The following GALNT2 variants were observed in gnomAD, a reference collection of about 807,000 sequenced individuals.
The protein encoded by GALNT2 is polypeptide N-acetylgalactosaminyltransferase 2.
GALNT2 carries 31 observed loss-of-function variants against 81.4 expected under a neutral mutation model. That is an observed-to-expected ratio of 0.38 (90% confidence interval 0.29 to 0.51). The LOEUF (loss-of-function observed/expected upper bound fraction) is 0.51, where lower values mean the gene tolerates loss of function less well. GALNT2 is among the 20% of genes least tolerant of loss of function. The pLI, the probability that GALNT2 is intolerant of heterozygous loss-of-function variation, is 0.87. For missense variants in GALNT2, 629 were observed against 765.7 expected (o/e 0.82, Z 2.11); for synonymous variants, 303 against 287.4 (o/e 1.05, Z -0.55).
chr1:230,066,873 C>T (rs1659196396), upstream of GALNT2, among the ~76,000 whole-genome samples: 1 of 151,620 alleles, frequency 6.6e-6, no homozygotes, highest in African/African-American at 2.4e-5. Flanking sequence ...GAGGGGGCGG[C>T]CGGCGGGGGG....
chr1:230,194,228 GA>G (rs1558133673), intron 2 of GALNT2, among the ~76,000 whole-genome samples: 1 of 152,178 alleles, frequency 6.6e-6, no homozygotes, highest in Admixed American at 6.5e-5. Context: ...ATGGGGAAGA[GA>G]AAAAAGAAAA....
chr1:230,271,908 C>T lies in GALNT2; in HGVS notation c.1441-2537C>T, dbSNP rs372442755. 3.9e-5 allele frequency among the ~76,000 whole-genome samples: 6 copies of T among 152,272 alleles called. No individual in the cohort carries two copies. Among genetic ancestry groups the T allele is most frequent in the African/African-American group, 1.2e-4 (5 of 41,582 alleles). On this transcript the variant is annotated intron_variant, in intron 14 of 15. Coordinates refer to ENST00000366672, the MANE Select transcript of GALNT2 (RefSeq NM_004481.5). This position sits in a 1 kb window ranked among gnomAD's most constrained non-coding sequence, Gnocchi z 4.2. ...AGAGGATGGGGTGGCGGGGGACTGA[C>T]GGTTTCAAGCTTCTCAGCATAACCT...
intron 2 of GALNT2, among the ~76,000 whole-genome samples, chr1:230,190,367 C>T (rs543055969): frequency 5.3e-5 from 8 of 152,360 alleles, no homozygotes; most frequent in African/African-American, 1.2e-4. Context: ...CCAAGACCCA[C>T]GCACTTGAAG....
In GALNT2 at chr1:230,275,011, T is replaced by C. The variant is rs922336395; in HGVS notation, c.1560+447T>C. Among the ~76,000 whole-genome samples, 2 of 151,608 alleles carry C rather than the reference T, an allele frequency of 1.3e-5. No homozygotes were observed. The highest frequency in any genetic ancestry group is 6.6e-5 in the Admixed American group (1 of 15,232). ...CATATATACATATATACATGCCACA[T>C]ATATACATATATACACGCCACATAT... On this transcript the variant is annotated intron_variant, in intron 15 of 15. Coordinates refer to ENST00000366672, the MANE Select transcript of GALNT2 (RefSeq NM_004481.5). The surrounding 1 kb of genome is among the most constrained non-coding windows in gnomAD (Gnocchi z 5.5).
intron 14 of GALNT2, among the ~76,000 whole-genome samples, chr1:230,269,794 G>A (rs1385569683): frequency 6.6e-6 from 1 of 152,174 alleles, no homozygotes; most frequent in Non-Finnish European, 1.5e-5. Flanking sequence ...CTACTCAGGA[G>A]GCTGAGATGG....
intron 2 of GALNT2, among the ~76,000 whole-genome samples, chr1:230,188,773 G>A (rs1663424076): frequency 6.6e-6 from 1 of 151,794 alleles, no homozygotes; most frequent in South Asian, 2.1e-4. Context: ...TTTTTTTTCA[G>A]TGTTGGTTTT....
At chr1:230,168,765 AT>A (rs1303665826) in intron 1 of GALNT2, among the ~76,000 whole-genome samples, 2 of 152,222 alleles carry the variant, frequency 1.3e-5, no homozygotes, top group Admixed American at 1.3e-4. Context: ...TATATATATC[AT>A]ACCAAGTTTC....
chr1:230,140,191 A>G (rs1429598117), intron 1 of GALNT2, among the ~76,000 whole-genome samples: 1 of 152,168 alleles, frequency 6.6e-6, no homozygotes, highest in African/African-American at 2.4e-5. Flanking sequence ...GCCTGAGAGG[A>G]GGAATGAATC....
chr1:230,209,897 G>A (rs1664181041), intron 3 of GALNT2, among the ~76,000 whole-genome samples: 1 of 152,112 alleles, frequency 6.6e-6, no homozygotes, highest in Non-Finnish European at 1.5e-5. Flanking sequence ...AATACAGAGT[G>A]GAAACGATAC....
chr1:230,203,726 G>C (rs2102707427), intron 3 of GALNT2, among the ~76,000 whole-genome samples: 1 of 152,304 alleles, frequency 6.6e-6, no homozygotes, highest in African/African-American at 2.4e-5. Context: ...AAGGAGAAAT[G>C]AACTACCCAG....
chr1:230,069,844 A>G (rs757140825), intron 1 of GALNT2, among the ~76,000 whole-genome samples: 10 of 152,180 alleles, frequency 6.6e-5, no homozygotes, highest in Admixed American at 4.6e-4. Context: ...CTTGCCTCAT[A>G]CTGTTCAAGT....
At chr1:230,063,783 C>T (rs1254397433), upstream of GALNT2, among the ~76,000 whole-genome samples, 4 of 152,114 alleles carry the variant, frequency 2.6e-5, no homozygotes, top group Non-Finnish European at 5.9e-5. Context: ...TGCTTTTTGG[C>T]CTACTCTGTT....
chr1:230,212,379 C>T (rs907710173), intron 3 of GALNT2, among the ~76,000 whole-genome samples: 6 of 152,158 alleles, frequency 3.9e-5, no homozygotes, highest in African/African-American at 1.2e-4. Flanking sequence ...GCTGGCCACA[C>T]GTTGATGGGA....
chr1:230,210,702 T>C (rs1363370803), intron 3 of GALNT2, among the ~76,000 whole-genome samples: 1 of 152,334 alleles, frequency 6.6e-6, no homozygotes, highest in East Asian at 1.9e-4. Flanking sequence ...AATGTCTGCC[T>C]TTAACACAGC....
chr1:230,172,252 C>T (rs535325974), intron 1 of GALNT2, among the ~76,000 whole-genome samples: 25 of 152,140 alleles, frequency 1.6e-4, no homozygotes, highest in Non-Finnish European at 2.4e-4. Context: ...GGAAGCCAGC[C>T]GCCTCTTGGG....
intron 1 of GALNT2, among the ~76,000 whole-genome samples, chr1:230,083,196 C>T (rs1000535593): frequency 8.7e-5 from 11 of 126,744 alleles, no homozygotes; most frequent in East Asian, 2.5e-4. Flanking sequence ...AGCAGGGAGC[C>T]AGGATGATGG....
intron 1 of GALNT2, among the ~76,000 whole-genome samples, chr1:230,147,627 A>G (rs1399145165): frequency 2.0e-5 from 3 of 152,166 alleles, no homozygotes; most frequent in Non-Finnish European, 4.4e-5. Flanking sequence ...CTACTCTTCG[A>G]TTCTGCGAAC....
At chr1:230,089,139 A>G (rs1458684919) in intron 1 of GALNT2, among the ~76,000 whole-genome samples, 1 of 143,960 alleles carries the variant, frequency 6.9e-6, no homozygotes, top group Non-Finnish European at 1.5e-5. Flanking sequence ...CATTTTAACC[A>G]TTTCTTTCTT....
At chr1:230,252,737 C>G (rs531856606) in intron 10 of GALNT2, among the ~76,000 whole-genome samples, 27 of 151,842 alleles carry the variant, frequency 1.8e-4, no homozygotes, top group Admixed American at 5.9e-4. Context: ...GTTGGCTTAA[C>G]AGATTCCCCA....
Sources: gnomAD v4.1 joint callset for allele counts (sites outside exome capture counted in the v4.1 genomes callset) on GRCh38, gnomAD v4.1.1 for gene constraint, Gnocchi (gnomAD v3.1) non-coding constraint, MANE v1.5 for transcripts, NCBI Gene and HGNC (gene_info 2026-07-23, HGNC 2026-07-21) for gene names.